The following DACH1 variants were observed in gnomAD, a reference collection of about 807,000 sequenced individuals.
DACH1 encodes dachshund homolog 1.
DACH1 carries 12 observed loss-of-function variants against 54.2 expected under a neutral mutation model. The observed-to-expected ratio is 0.22, with a 90% CI of 0.14 to 0.36. The LOEUF (loss-of-function observed/expected upper bound fraction) is 0.36. DACH1 is among the 10% of genes least tolerant of loss of function. The pLI, the probability that DACH1 is intolerant of heterozygous loss-of-function variation, is 1.00. For synonymous variants in DACH1, 386 were observed against 366.2 expected (o/e 1.05, Z -0.62); for missense variants, 805 against 929.8 (o/e 0.87, Z 1.75).
chr13:71,726,685 T>A (rs1016757349), intron 1 of DACH1, among the ~76,000 whole-genome samples: 3 of 152,060 alleles, frequency 2.0e-5, no homozygotes, highest in Non-Finnish European at 4.4e-5. Context: ...GTCTTATTTA[T>A]CATCTTATCT....
At chr13:71,775,127 C>CTTTTTTTTTTTTTTT (rs767902341) in intron 1 of DACH1, among the ~76,000 whole-genome samples, 5 of 54,028 alleles carry the variant, frequency 9.3e-5, no homozygotes, top group African/African-American at 2.3e-4. Flanking sequence ...TCAACACAAG[C>CTTTTTTTTTTTTTTT]TTTTTTTTTT....
chr13:71,852,193 A>G (rs1481541205), intron 1 of DACH1, among the ~76,000 whole-genome samples: 1 of 152,202 alleles, frequency 6.6e-6, no homozygotes, highest in Non-Finnish European at 1.5e-5. Context: ...GAGCCAGCCG[A>G]GTTCAGAGGC....
intron 1 of DACH1, among the ~76,000 whole-genome samples, chr13:71,749,170 G>T (rs982637721): frequency 2.6e-5 from 4 of 151,734 alleles, no homozygotes; most frequent in Admixed American, 2.0e-4. Context: ...TTTCAGTAGA[G>T]ATGGGGTTTC....
chr13:71,507,299 T>C (rs555482574), intron 6 of DACH1, among the ~76,000 whole-genome samples: 35 of 152,268 alleles, frequency 2.3e-4, no homozygotes, highest in African/African-American at 8.2e-4. Context: ...CTAAAATCTA[T>C]TCCCCAACTT....
At chr13:71,594,908 C>A (rs1268502753) in intron 3 of DACH1, among the ~76,000 whole-genome samples, 2 of 152,088 alleles carry the variant, frequency 1.3e-5, no homozygotes, top group Non-Finnish European at 2.9e-5. Context: ...CCAGGCCTCA[C>A]AAGGCTGACA....
intron 3 of DACH1, among the ~76,000 whole-genome samples, chr13:71,621,238 T>A (rs942497467): frequency 6.6e-6 from 1 of 151,972 alleles, no homozygotes; most frequent in Non-Finnish European, 1.5e-5. Context: ...CAGCTTGAAG[T>A]GACAGGAATG....
At chr13:71,682,019 G>T in intron 1 of DACH1, 109 bp from the exon 2 acceptor site, 1 of 603,354 alleles carries the variant, frequency 1.7e-6, no homozygotes, top group Non-Finnish European at 2.8e-6. Flanking sequence ...TTTCAAGGAC[G>T]GTTGCTTTTG....
intron 1 of DACH1, among the ~76,000 whole-genome samples, chr13:71,693,355 T>TGCA (rs1171015293): frequency 1.4e-4 from 19 of 139,846 alleles, no homozygotes; most frequent in Non-Finnish European, 2.6e-4. Context: ...CAGGCTGGAG[T>TGCA]GCAGTGGTGT....
At chr13:71,461,474 G>A (rs189517880) in intron 10 of DACH1, among the ~76,000 whole-genome samples, 123 of 151,962 alleles carry the variant, frequency 8.1e-4, no homozygotes, top group African/African-American at 2.4e-3. Context: ...AAATAAGCCC[G>A]CATCATACTC....
intron 3 of DACH1, among the ~76,000 whole-genome samples, chr13:71,579,521 A>T (rs1860296109): frequency 6.6e-6 from 1 of 152,158 alleles, no homozygotes; most frequent in African/African-American, 2.4e-5. Flanking sequence ...AGACATTACT[A>T]AAAACAATGG....
At chr13:71,595,164 T>C (rs949266311) in intron 3 of DACH1, among the ~76,000 whole-genome samples, 1 of 152,082 alleles carries the variant, frequency 6.6e-6, no homozygotes, top group Non-Finnish European at 1.5e-5. Context: ...GGACAATGCA[T>C]AGACTCTAAG....
intron 1 of DACH1, among the ~76,000 whole-genome samples, chr13:71,838,160 T>A (rs1271331532): frequency 6.6e-6 from 1 of 152,016 alleles, no homozygotes; most frequent in Admixed American, 6.6e-5. Context: ...AGAACAAAAC[T>A]GGTAGACTCG....
intron 1 of DACH1, among the ~76,000 whole-genome samples, chr13:71,739,578 C>CTA (rs10676186): frequency 0.8 from 121,499 of 151,902 alleles, 49,654 homozygotes; most frequent in Non-Finnish European, 0.91. Flanking sequence ...CACTTAAAGA[C>CTA]TGTCAGTTTG....
chr13:71,542,353 G>A (rs1049230137), intron 6 of DACH1, among the ~76,000 whole-genome samples: 1 of 151,962 alleles, frequency 6.6e-6, no homozygotes, highest in East Asian at 1.9e-4. Context: ...GTACATTGTG[G>A]TTCAGATAAA....
chr13:71,479,133 T>C, intron 8 of DACH1, 36 bp downstream of exon 8: 1 of 1,548,592 alleles, frequency 6.5e-7, no homozygotes, highest in East Asian at 2.3e-5. Context: ...TAATATTTTC[T>C]GTAAATATTT....
chr13:71,516,065 G>A (rs2138268869), intron 6 of DACH1, among the ~76,000 whole-genome samples: 1 of 151,964 alleles, frequency 6.6e-6, no homozygotes, highest in African/African-American at 2.4e-5. Flanking sequence ...ATTGTAGGAT[G>A]AGGAAAGAAA....
intron 1 of DACH1, among the ~76,000 whole-genome samples, chr13:71,741,491 C>T (rs1342584285): frequency 6.6e-6 from 1 of 152,060 alleles, no homozygotes; most frequent in Non-Finnish European, 1.5e-5. Flanking sequence ...AGGGGAAAAT[C>T]CTACAATCCA....
At chr13:71,708,948 G>T (rs757309677) in intron 1 of DACH1, among the ~76,000 whole-genome samples, 3 of 150,814 alleles carry the variant, frequency 2.0e-5, no homozygotes, top group Non-Finnish European at 4.4e-5. Context: ...AGCCTCCCGG[G>T]TTCACGCCAT....
chr13:71,599,828 T>TACACACACAC (rs113936121), intron 3 of DACH1, among the ~76,000 whole-genome samples: 1 of 146,606 alleles, frequency 6.8e-6, no homozygotes, highest in African/African-American at 2.5e-5. Context: ...AACACATTTC[T>TACACACACAC]ACACACACAC....
Sources: allele counts gnomAD v4.1 joint callset (sites outside exome capture counted in the v4.1 genomes callset), GRCh38; gene constraint gnomAD v4.1.1; transcripts MANE v1.5; gene names NCBI Gene and HGNC (gene_info 2026-07-23, HGNC 2026-07-21).